THSD7B: variants seen among roughly 807,000 people sequenced by gnomAD.
The protein encoded by THSD7B is thrombospondin type-1 domain-containing protein 7B.
THSD7B carries 138 observed loss-of-function variants against 213.6 expected under a neutral mutation model. The ratio of observed to expected loss-of-function variants is 0.65; its 90% CI spans 0.56 to 0.74. THSD7B has a LOEUF of 0.74. Ranked by LOEUF, THSD7B falls within the 30% of genes least tolerant of loss-of-function variation. THSD7B has a pLI of 0.00. For missense variants in THSD7B, 1,931 were observed against 1,991.5 expected (o/e 0.97, Z 0.58); for synonymous variants, 742 against 687.0 (o/e 1.08, Z -1.25).
intron 1 of THSD7B, among the ~76,000 whole-genome samples, chr2:136,833,911 C>A (rs867669558): frequency 1.3e-5 from 2 of 152,152 alleles, no homozygotes; most frequent in African/African-American, 4.8e-5. Context: ...TTTCACTCAT[C>A]TAAAATGCAT....
At chr2:137,292,546 C>T (rs866699281) in intron 12 of THSD7B, among the ~76,000 whole-genome samples, 4 of 152,114 alleles carry the variant, frequency 2.6e-5, no homozygotes, top group Non-Finnish European at 2.9e-5. Flanking sequence ...TGCTTTAGAA[C>T]CTGTTAAGTG....
At position 137,015,181 on chromosome 2, in the gene THSD7B, A is replaced by T. The variant is rs80211184; in HGVS notation, c.140-41239A>T. Among the ~76,000 whole-genome samples, 582 of 152,322 alleles carry T rather than the reference A, an allele frequency of 3.8e-3. 4 individuals carry two copies. Among genetic ancestry groups the T allele is most frequent in the Non-Finnish European group, 4.6e-3 (310 of 68,036 alleles). On this transcript the variant is annotated intron_variant, in intron 2 of 27. Transcript: ENST00000409968. ...CACTGTTGTGTATTCAGAGCCTAGCACAAATGCTAGTGCAAATAGTAATAA... is the reference window on the plus strand; with the variant it reads ...CACTGTTGTGTATTCAGAGCCTAGCTCAAATGCTAGTGCAAATAGTAATAA...
At chr2:137,504,087 G>A (rs1041184702) in intron 15 of THSD7B, among the ~76,000 whole-genome samples, 14 of 151,218 alleles carry the variant, frequency 9.3e-5, no homozygotes, top group Admixed American at 7.9e-4. Context: ...AGTGAGCTTC[G>A]GTGCAGTGAT....
intron 15 of THSD7B, among the ~76,000 whole-genome samples, chr2:137,454,241 C>A (rs1687713678): frequency 6.6e-6 from 1 of 152,172 alleles, no homozygotes; most frequent in Non-Finnish European, 1.5e-5. Context: ...TATAAGGAAT[C>A]ACTTTTCTCC....
chr2:137,186,311 C>G (rs193051591), intron 7 of THSD7B, among the ~76,000 whole-genome samples: 4 of 151,960 alleles, frequency 2.6e-5, no homozygotes, highest in Admixed American at 2.0e-4. Flanking sequence ...TGCCAAAGCC[C>G]GTGTTGTGAA....
chr2:137,117,247 C>T (rs2104940521), intron 5 of THSD7B, among the ~76,000 whole-genome samples: 1 of 152,290 alleles, frequency 6.6e-6, no homozygotes, highest in East Asian at 1.9e-4. Context: ...TCACTTCTTA[C>T]TGTTATCATT....
intron 1 of THSD7B, among the ~76,000 whole-genome samples, chr2:136,852,791 T>C (rs778208): frequency 0.79 from 119,504 of 152,018 alleles, 47,249 homozygotes; most frequent in Middle Eastern, 0.93. Flanking sequence ...ACAAAATTAA[T>C]TTTATTTTTG....
At chr2:136,937,230 G>T (rs993203929) in intron 2 of THSD7B, among the ~76,000 whole-genome samples, 8 of 151,696 alleles carry the variant, frequency 5.3e-5, no homozygotes, top group African/African-American at 1.9e-4. Context: ...AGCCACTCTG[G>T]TGTACTCAAG....
chr2:137,360,504 G>A (rs941261909), intron 12 of THSD7B, among the ~76,000 whole-genome samples: 2 of 152,116 alleles, frequency 1.3e-5, no homozygotes, highest in Non-Finnish European at 2.9e-5. Flanking sequence ...TCGGGACACT[G>A]CCACCTAAAT....
chr2:137,132,625 G>T (rs919583079), intron 5 of THSD7B, among the ~76,000 whole-genome samples: 6 of 151,996 alleles, frequency 3.9e-5, no homozygotes, highest in African/African-American at 9.7e-5. Context: ...TTTCATTCTT[G>T]TTATCTTTAC....
intron 22 of THSD7B, among the ~76,000 whole-genome samples, chr2:137,655,972 G>C (rs1293904959): frequency 1.3e-5 from 2 of 152,120 alleles, no homozygotes; most frequent in Non-Finnish European, 2.9e-5. Context: ...TAGAAACTGT[G>C]ATGTTAATTC....
intron 1 of THSD7B, 35 bp from the exon 2 acceptor site, chr2:136,882,109 A>G (rs2104991381): frequency 7.2e-7 from 1 of 1,390,048 alleles, no homozygotes; most frequent in East Asian, 2.8e-5. Context: ...TTCTTTACAG[A>G]AGAAACTTAC....
At chr2:137,142,381 C>T (rs918931943) in intron 5 of THSD7B, among the ~76,000 whole-genome samples, 1 of 152,120 alleles carries the variant, frequency 6.6e-6, no homozygotes, top group African/African-American at 2.4e-5. Flanking sequence ...CCCTCCTGAC[C>T]AAAACACCTC....
chr2:137,116,100 T>A (rs1014506976), intron 5 of THSD7B, among the ~76,000 whole-genome samples: 1 of 152,220 alleles, frequency 6.6e-6, no homozygotes, highest in Non-Finnish European at 1.5e-5. Flanking sequence ...ATTTTCTTGC[T>A]ATGGTAATGC....
Position 137,013,094 on chromosome 2 carries a change from AC to A in THSD7B, c.140-43325del, listed in dbSNP as rs373458739. 9.2e-5 allele frequency among the ~76,000 whole-genome samples: 14 copies of A among 152,382 alleles called. No individual in the cohort carries two copies. In the South Asian group the frequency reaches 1.0e-3, roughly 11 times the overall value. The stretch of plus-strand genomic sequence containing the variant: ...TATTTGAAAAATACATAAATCAATT[AC>A]TTTTAATTCTGTGAAATGTATAAAT... On this transcript the variant is annotated intron_variant, in intron 2 of 27. Coordinates refer to ENST00000409968, the MANE Select transcript of THSD7B (RefSeq NM_001316349.2).
At position 137,075,530 on chromosome 2, in the gene THSD7B, A is replaced by C. The variant is rs199923226; in HGVS notation, c.950+18300A>C. On this transcript the variant is annotated intron_variant, in intron 3 of 27. Coordinates refer to ENST00000409968, the MANE Select transcript of THSD7B (RefSeq NM_001316349.2). ...TTTTAACTTCTTTCCCATTGGTTCG[A>C]ATTTCCTCCTGTAGCTCGGAGTAGT... is the stretch of plus-strand genomic sequence containing the variant. Among the ~76,000 whole-genome samples the C allele has an allele frequency of 7.2e-4, 110 of 152,034 alleles. No individual in the cohort carries two copies. The East Asian group carries it at 0.02, about 28-fold the overall frequency.
chr2:137,330,516 T>C (rs58071516), intron 12 of THSD7B, among the ~76,000 whole-genome samples: 1 of 152,130 alleles, frequency 6.6e-6, no homozygotes, highest in African/African-American at 2.4e-5. Context: ...TGTTCGGATA[T>C]GCTAGGAGTT....
At chr2:137,079,242 G>T (rs931368656) in intron 3 of THSD7B, among the ~76,000 whole-genome samples, 2 of 152,008 alleles carry the variant, frequency 1.3e-5, no homozygotes, top group Non-Finnish European at 2.9e-5. Flanking sequence ...AAATATATAT[G>T]TACTTAATTG....
chr2:136,809,327 C>A (rs114040065), intron 1 of THSD7B, among the ~76,000 whole-genome samples: 8 of 152,100 alleles, frequency 5.3e-5, no homozygotes, highest in Non-Finnish European at 1.0e-4. Context: ...AGAGAAGACT[C>A]AGAGCAGATG....
Sources: gnomAD v4.1 joint callset for allele counts (sites outside exome capture counted in the v4.1 genomes callset) on GRCh38, gnomAD v4.1.1 for gene constraint, MANE v1.5 for transcripts, NCBI Gene and HGNC (gene_info 2026-07-23, HGNC 2026-07-21) for gene names.